PDZRN3: variants seen among roughly 807,000 people sequenced by gnomAD.
The protein encoded by PDZRN3 is E3 ubiquitin-protein ligase PDZRN3.
A neutral mutation model predicts 85.7 loss-of-function variants in PDZRN3; 38 were observed. The observed-to-expected ratio is 0.44, with a 90% CI of 0.34 to 0.58. The LOEUF (loss-of-function observed/expected upper bound fraction) is 0.58, where lower values mean the gene tolerates loss of function less well. PDZRN3 is among the 20% of genes least tolerant of loss of function. PDZRN3 has a pLI of 0.01. For missense variants in PDZRN3, 1,629 were observed against 1,506.4 expected, an observed-to-expected ratio of 1.08 and a Z score of -1.35; for synonymous variants, 759 against 638.0, an observed-to-expected ratio of 1.19 and a Z score of -2.86.
chr3:73,460,808 T>G (rs902578294), intron 3 of PDZRN3, among the ~76,000 whole-genome samples: 6 of 152,170 alleles, frequency 3.9e-5, no homozygotes, highest in Non-Finnish European at 7.3e-5. Context: ...TTTATTTTTT[T>G]TTGAGATGGG....
chr3:73,597,262 A>G (rs545881506), intron 3 of PDZRN3, among the ~76,000 whole-genome samples: 82 of 152,242 alleles, frequency 5.4e-4, no homozygotes, highest in African/African-American at 1.8e-3. Context: ...AGCATTGCTA[A>G]TCCTTTCTAG....
At position 73,468,630 on chromosome 3, in the gene PDZRN3, T is replaced by C. The variant is rs540357239; in HGVS notation, c.919-64235A>G. ...TTATACACAAAAGGCATCATTACCA[T>C]GGTGACAGATTGAAATAGGTATTTA... is the stretch of plus-strand genomic sequence containing the variant. On this transcript the variant is annotated intron_variant, in intron 3 of 9. Coordinates refer to ENST00000263666, the MANE Select transcript of PDZRN3 (RefSeq NM_015009.3). 4.6e-5 allele frequency among the ~76,000 whole-genome samples: 7 copies of C among 152,298 alleles called. No individual in the cohort carries two copies. In the East Asian group the frequency reaches 7.7e-4, roughly 17 times the overall value.
chr3:73,444,104 T>C (rs1286412345), intron 3 of PDZRN3, among the ~76,000 whole-genome samples: 1 of 152,176 alleles, frequency 6.6e-6, no homozygotes, highest in African/African-American at 2.4e-5. Flanking sequence ...GACCCCATGC[T>C]TGGGTCTGCT....
chr3:73,591,124 G>C (rs905836350), intron 3 of PDZRN3, among the ~76,000 whole-genome samples: 1 of 152,022 alleles, frequency 6.6e-6, no homozygotes, highest in African/African-American at 2.4e-5. Flanking sequence ...TTCATATCAA[G>C]ACATAAAAAG....
intron 3 of PDZRN3, among the ~76,000 whole-genome samples, chr3:73,431,177 G>A (rs1441399853): frequency 1.3e-5 from 2 of 152,158 alleles, no homozygotes; most frequent in Admixed American, 6.5e-5. Flanking sequence ...TCACTGATGC[G>A]TCTGCACTCT....
intron 3 of PDZRN3, among the ~76,000 whole-genome samples, chr3:73,592,316 T>C (rs1702369178): frequency 6.6e-6 from 1 of 152,104 alleles, no homozygotes; most frequent in Admixed American, 6.5e-5. Flanking sequence ...TATTGAAAAA[T>C]AAAAAATAAA....
intron 3 of PDZRN3, among the ~76,000 whole-genome samples, chr3:73,583,604 G>T (rs9842737): frequency 0.42 from 64,233 of 151,776 alleles, 13,620 homozygotes; most frequent in South Asian, 0.46. Context: ...GCACCTTCAG[G>T]ACCCAAAACA....
At chr3:73,442,494 G>GA (rs1194829726) in intron 3 of PDZRN3, among the ~76,000 whole-genome samples, 1 of 152,134 alleles carries the variant, frequency 6.6e-6, no homozygotes, top group Non-Finnish European at 1.5e-5. Context: ...TGTGGATTCA[G>GA]AAAAATGACT....
At chr3:73,500,456 T>C (rs976140943) in intron 3 of PDZRN3, among the ~76,000 whole-genome samples, 4 of 152,144 alleles carry the variant, frequency 2.6e-5, no homozygotes, top group African/African-American at 9.7e-5. Flanking sequence ...ACATGAGCTC[T>C]GCCACATTTC....
At chr3:73,590,172 G>C (rs970197172) in intron 3 of PDZRN3, among the ~76,000 whole-genome samples, 1 of 149,218 alleles carries the variant, frequency 6.7e-6, no homozygotes, top group Non-Finnish European at 1.5e-5. Context: ...GGGGGGCTGA[G>C]GCACAAGAAT....
intron 5 of PDZRN3, among the ~76,000 whole-genome samples, chr3:73,400,089 G>A (rs1212665113): frequency 6.6e-6 from 1 of 152,144 alleles, no homozygotes; most frequent in Non-Finnish European, 1.5e-5. Context: ...TAAAATGTTC[G>A]ATTTTTCCTG....
At chr3:73,590,133 G>A (rs1702334625) in intron 3 of PDZRN3, among the ~76,000 whole-genome samples, 1 of 144,696 alleles carries the variant, frequency 6.9e-6, no homozygotes, top group Admixed American at 7.2e-5. Context: ...GTTGAGTGTG[G>A]TGACGGGCAC....
At chr3:73,620,569 T>C (rs1702841485) in intron 1 of PDZRN3, among the ~76,000 whole-genome samples, 1 of 135,684 alleles carries the variant, frequency 7.4e-6, no homozygotes, top group Admixed American at 8.5e-5. Flanking sequence ...CTAGGCAGTC[T>C]GGGTTTTTTT....
intron 3 of PDZRN3, chr3:73,474,671 A>C (rs180756288): frequency 9.2e-7 from 1 of 1,086,230 alleles, no homozygotes; most frequent in Admixed American, 3.6e-5. Context: ...AGATCACAGA[A>C]TAGGGAGGCA....
At chr3:73,507,806 G>C (rs1169220564) in intron 3 of PDZRN3, among the ~76,000 whole-genome samples, 6 of 152,036 alleles carry the variant, frequency 3.9e-5, no homozygotes, top group African/African-American at 7.2e-5. Context: ...ATTCTGAGAT[G>C]CAGCTGGCCG....
intron 3 of PDZRN3, among the ~76,000 whole-genome samples, chr3:73,418,114 A>ATGAC (rs1356577346): frequency 3.9e-5 from 6 of 152,246 alleles, no homozygotes; most frequent in Non-Finnish European, 7.3e-5. Context: ...GGGAAATAAA[A>ATGAC]TGACTCACCC....
intron 3 of PDZRN3, among the ~76,000 whole-genome samples, chr3:73,593,755 T>C (rs1366756883): frequency 7.7e-6 from 1 of 130,700 alleles, no homozygotes; most frequent in Non-Finnish European, 1.6e-5. Flanking sequence ...CACACACACT[T>C]TGGAGAACTC....
intron 3 of PDZRN3, among the ~76,000 whole-genome samples, chr3:73,418,094 C>T (rs1450411554): frequency 6.6e-6 from 1 of 152,194 alleles, no homozygotes; most frequent in Non-Finnish European, 1.5e-5. Flanking sequence ...ATATTTATCA[C>T]CTGTAAAATG....
chr3:73,510,025 G>A (rs540756410), intron 3 of PDZRN3, among the ~76,000 whole-genome samples: 19 of 152,306 alleles, frequency 1.2e-4, no homozygotes, highest in African/African-American at 3.6e-4. Context: ...TTCATCTGTC[G>A]TACACTGGAG....
Sources: allele counts gnomAD v4.1 joint callset (sites outside exome capture counted in the v4.1 genomes callset), GRCh38; gene constraint gnomAD v4.1.1; transcripts MANE v1.5; gene names NCBI Gene and HGNC (gene_info 2026-07-23, HGNC 2026-07-21).